The following GPC6 variants were observed in gnomAD, a reference collection of about 807,000 sequenced individuals.
GPC6 encodes the protein glypican-6.
GPC6 carries 14 observed loss-of-function variants against 55.2 expected under a neutral mutation model. The ratio of observed to expected loss-of-function variants is 0.25; its 90% CI spans 0.17 to 0.40. GPC6 has a LOEUF of 0.40. Ranked by LOEUF, GPC6 falls within the 10% of genes least tolerant of loss-of-function variation. GPC6 has a pLI of 1.00. For synonymous variants in GPC6, 278 were observed against 259.6 expected (o/e 1.07, Z -0.68); for missense variants, 641 against 708.5 (o/e 0.90, Z 1.08).
intron 4 of GPC6, among the ~76,000 whole-genome samples, chr13:94,137,693 T>G (rs1376788673): frequency 6.6e-6 from 1 of 152,128 alleles, no homozygotes; most frequent in East Asian, 1.9e-4. Flanking sequence ...TAAAATGAAA[T>G]ACAATGCTAT....
intron 4 of GPC6, among the ~76,000 whole-genome samples, chr13:94,073,948 T>C (rs1884823220): frequency 6.6e-6 from 1 of 152,124 alleles, no homozygotes. Context: ...TTAGCAAAAA[T>C]AAGTACGATA....
chr13:93,371,979 A>G (rs980903998), intron 1 of GPC6, among the ~76,000 whole-genome samples: 1 of 152,130 alleles, frequency 6.6e-6, no homozygotes, highest in East Asian at 1.9e-4. Flanking sequence ...CTTAGGGTGC[A>G]TCAGTCCCAC....
chr13:93,714,682 T>C lies in GPC6; in HGVS notation c.320-115472T>C, dbSNP rs575176952. Among the ~76,000 whole-genome samples the C allele has an allele frequency of 4.6e-5, 7 of 151,678 alleles. No homozygotes were observed. The South Asian group carries it at 1.5e-3, about 31-fold the overall frequency. On this transcript the variant is annotated intron_variant, in intron 2 of 8. Transcript: ENST00000377047. ...GTTCTTGATTTTGTACAAGAAGGAATTCAGGAGCAAATCACAAGGAGAAAG... is the reference window on the plus strand; with the variant it reads ...GTTCTTGATTTTGTACAAGAAGGAACTCAGGAGCAAATCACAAGGAGAAAG...
chr13:94,015,770 G>T (rs1882441822), intron 3 of GPC6, among the ~76,000 whole-genome samples: 1 of 152,110 alleles, frequency 6.6e-6, no homozygotes. Context: ...TTTCCTCCTT[G>T]AATGGTCTTT....
At chr13:93,450,463 AGTT>A (rs1878182556) in intron 1 of GPC6, among the ~76,000 whole-genome samples, 1 of 152,174 alleles carries the variant, frequency 6.6e-6, no homozygotes, top group Non-Finnish European at 1.5e-5. Context: ...GAGTAAGGAA[AGTT>A]GTTGTCATTC....
chr13:94,286,464 G>A lies in GPC6; in HGVS notation c.993G>A (p.Met331Ile), dbSNP rs1434012444. Residue 331 changes from methionine to isoleucine, a missense_variant, in exon 5 of 9, where the codon ATG becomes ATA. Coordinates refer to ENST00000377047, the MANE Select transcript of GPC6 (RefSeq NM_005708.5). ...TTATGAACATGCAAGAAAACAGCAT[G>A]CAGGTGTCTGCAAAGGTATTTGCAT... is the stretch of plus-strand genomic sequence containing the variant. ...EAIMNMQENS[M>I]QVSAKVFQGC... 6.2e-7 allele frequency: 1 copy of A among 1,613,472 alleles called. No individual in the cohort carries two copies. The highest frequency in any genetic ancestry group is 1.3e-5 in the African/African-American group (1 of 74,882).
At chr13:93,919,545 T>C (rs936507951) in intron 3 of GPC6, among the ~76,000 whole-genome samples, 1 of 152,196 alleles carries the variant, frequency 6.6e-6, no homozygotes. Flanking sequence ...TCAGATACTT[T>C]AGACATTTAT....
chr13:94,209,851 T>TAA (rs1183651293), intron 4 of GPC6, among the ~76,000 whole-genome samples: 16 of 151,918 alleles, frequency 1.1e-4, no homozygotes, highest in African/African-American at 3.4e-4. Flanking sequence ...ATTAATTAAT[T>TAA]TATTTATTTA....
intron 3 of GPC6, among the ~76,000 whole-genome samples, chr13:93,913,146 G>A (rs1315481434): frequency 6.6e-6 from 1 of 151,998 alleles, no homozygotes; most frequent in Non-Finnish European, 1.5e-5. Context: ...TCATTTTGGG[G>A]GACACTATTC....
At chr13:93,525,943 G>C (rs549625921) in intron 1 of GPC6, among the ~76,000 whole-genome samples, 140 of 152,208 alleles carry the variant, frequency 9.2e-4, no homozygotes, top group Non-Finnish European at 1.5e-3. Context: ...CTTATGTTTA[G>C]AAGGAGAATG....
intron 4 of GPC6, among the ~76,000 whole-genome samples, chr13:94,203,870 T>A (rs975553317): frequency 6.6e-5 from 10 of 152,198 alleles, no homozygotes; most frequent in Non-Finnish European, 1.5e-4. Context: ...TATTTTCTGT[T>A]GCTTCATCTC....
chr13:93,476,476 A>T (rs564281451), intron 1 of GPC6, among the ~76,000 whole-genome samples: 196 of 152,226 alleles, frequency 1.3e-3, no homozygotes, highest in Middle Eastern at 6.8e-3. Context: ...TAACAATCCA[A>T]CTGCGGGGTT....
chr13:93,615,006 G>A (rs1454595233), intron 2 of GPC6, among the ~76,000 whole-genome samples: 1 of 151,998 alleles, frequency 6.6e-6, no homozygotes. Context: ...TATGAATAAG[G>A]TCCTGGATTC....
Position 93,918,447 on chromosome 13 carries a change from T to C in GPC6, c.711+87902T>C, listed in dbSNP as rs577845576. Among the ~76,000 whole-genome samples the C allele has an allele frequency of 2.2e-3, 325 of 149,930 alleles. 1 individual carries two copies. The highest frequency in any genetic ancestry group is 7.5e-3 in the African/African-American group (312 of 41,392). Reference sequence around the variant, plus strand: ...CTAACTCAAAGTCGCTGCTAGCAATTAAAAGAAGGTTAAAAAAAAAAAGTG... The same window carrying C: ...CTAACTCAAAGTCGCTGCTAGCAATCAAAAGAAGGTTAAAAAAAAAAAGTG... On this transcript the variant is annotated intron_variant, in intron 3 of 8. Coordinates refer to ENST00000377047, the MANE Select transcript of GPC6 (RefSeq NM_005708.5).
At chr13:93,714,583 G>T (rs546173497) in intron 2 of GPC6, among the ~76,000 whole-genome samples, 1 of 151,844 alleles carries the variant, frequency 6.6e-6, no homozygotes, top group African/African-American at 2.4e-5. Flanking sequence ...CCATTCCTGG[G>T]TATAAATCCA....
At chr13:93,618,482 G>C (rs1232694155) in intron 2 of GPC6, among the ~76,000 whole-genome samples, 7 of 152,098 alleles carry the variant, frequency 4.6e-5, no homozygotes, top group African/African-American at 1.7e-4. Context: ...GAGCAAAAGT[G>C]CTTTGATAAA....
intron 3 of GPC6, among the ~76,000 whole-genome samples, chr13:93,897,754 C>T (rs755188281): frequency 3.1e-4 from 47 of 152,050 alleles, no homozygotes; most frequent in Non-Finnish European, 5.1e-4. Context: ...AAATCACCCA[C>T]CAGGAGTGAA....
chr13:93,626,061 A>G (rs1879188714), intron 2 of GPC6, among the ~76,000 whole-genome samples: 1 of 152,204 alleles, frequency 6.6e-6, no homozygotes, highest in African/African-American at 2.4e-5. Flanking sequence ...CGTAATAAGA[A>G]GTTTGAGTTT....
At chr13:94,044,085 A>G (rs1314984549) in intron 4 of GPC6, among the ~76,000 whole-genome samples, 1 of 151,770 alleles carries the variant, frequency 6.6e-6, no homozygotes, top group Non-Finnish European at 1.5e-5. Flanking sequence ...GTGTTTAGCT[A>G]TGTCCCCCCA....
Sources: gnomAD v4.1 joint callset for allele counts (sites outside exome capture counted in the v4.1 genomes callset) on GRCh38, gnomAD v4.1.1 for gene constraint, MANE v1.5 for transcripts, NCBI Gene and HGNC (gene_info 2026-07-23, HGNC 2026-07-21) for gene names.